The following SYTL3 variants were observed in gnomAD, a reference collection of about 807,000 sequenced individuals.
SYTL3 encodes the protein synaptotagmin-like protein 3.
Under a neutral mutation model 82.1 loss-of-function variants are expected in SYTL3, and 88 were observed. That is an observed-to-expected ratio of 1.07 (90% CI 0.90 to 1.28). SYTL3 has a LOEUF of 1.28. Among genes scored for constraint, SYTL3 ranks in the 50% most tolerant of loss-of-function variants. SYTL3 has a pLI of 0.00. For missense variants in SYTL3, 831 were observed against 757.6 expected (o/e 1.10, Z -1.14); for synonymous variants, 311 against 289.4 (o/e 1.07, Z -0.76).
chr6:158,666,535 G>T (rs1472277368), intron 5 of SYTL3, among the ~76,000 whole-genome samples: 3 of 152,210 alleles, frequency 2.0e-5, no homozygotes, highest in African/African-American at 7.2e-5. Flanking sequence ...TGCTGGGGGA[G>T]ACGGTGCACA....
At chr6:158,724,243 C>T (rs560504177) in intron 10 of SYTL3, among the ~76,000 whole-genome samples, 1 of 152,196 alleles carries the variant, frequency 6.6e-6, no homozygotes, top group Non-Finnish European at 1.5e-5. Context: ...CAGAATTTAG[C>T]ATAGTGCTGT....
At chr6:158,685,486 G>A (rs554122227) in intron 6 of SYTL3, among the ~76,000 whole-genome samples, 1 of 151,886 alleles carries the variant, frequency 6.6e-6, no homozygotes, top group East Asian at 2.0e-4. Context: ...GGGATTACAG[G>A]TATGAGGCAC....
At chr6:158,697,470 G>A (rs575622624) in intron 6 of SYTL3, among the ~76,000 whole-genome samples, 257 of 152,036 alleles carry the variant, frequency 1.7e-3, no homozygotes, top group Non-Finnish European at 3.3e-3. Context: ...AAAGATTCAC[G>A]ACATTGGATC....
chr6:158,660,600 C>A, intron 2 of SYTL3, among the ~76,000 whole-genome samples: 1 of 152,276 alleles, frequency 6.6e-6, no homozygotes, highest in Admixed American at 6.5e-5. Context: ...TTTCAGATTC[C>A]CCCACCAGAT....
intron 6 of SYTL3, among the ~76,000 whole-genome samples, chr6:158,689,273 T>G (rs1358641278): frequency 1.3e-5 from 2 of 152,130 alleles, no homozygotes; most frequent in Non-Finnish European, 2.9e-5. Flanking sequence ...TCCTTAAAAA[T>G]AAACCAACAT....
At chr6:158,700,093 TAAGAAATACAA>T (rs1264496568) in intron 6 of SYTL3, among the ~76,000 whole-genome samples, 6 of 151,856 alleles carry the variant, frequency 4.0e-5, no homozygotes, top group African/African-American at 1.5e-4. Flanking sequence ...CCTTCTCTAC[TAAGAAATACAA>T]AAGTAGCCAG....
chr6:158,738,773 T>A (rs1173816388), intron 11 of SYTL3, among the ~76,000 whole-genome samples: 1 of 152,204 alleles, frequency 6.6e-6, no homozygotes, highest in Non-Finnish European at 1.5e-5. Context: ...TTCTCCCACC[T>A]CAGCCTACCA....
chr6:158,662,363 G>T (rs1033514343), intron 3 of SYTL3, among the ~76,000 whole-genome samples: 1 of 152,208 alleles, frequency 6.6e-6, no homozygotes, highest in African/African-American at 2.4e-5. Flanking sequence ...ATAATTGATA[G>T]GCTGAGCTTG....
At chr6:158,723,608 A>G (rs1314331924) in intron 10 of SYTL3, among the ~76,000 whole-genome samples, 2 of 152,280 alleles carry the variant, frequency 1.3e-5, no homozygotes, top group East Asian at 3.9e-4. Context: ...AAACATTGCT[A>G]ATGTTGTGCA....
chr6:158,696,016 C>T (rs1348709623), intron 6 of SYTL3, among the ~76,000 whole-genome samples: 2 of 152,130 alleles, frequency 1.3e-5, no homozygotes, highest in Admixed American at 6.6e-5. Flanking sequence ...ATTAGAGTTC[C>T]TGCTTTAAAT....
At chr6:158,722,190 T>C (rs1424429361) in intron 10 of SYTL3, among the ~76,000 whole-genome samples, 1 of 152,140 alleles carries the variant, frequency 6.6e-6, no homozygotes, top group Non-Finnish European at 1.5e-5. Flanking sequence ...AGACAGGGTC[T>C]TACTTTGTCA....
chr6:158,648,217 C>T (rs999395525), upstream of SYTL3, among the ~76,000 whole-genome samples: 7 of 152,140 alleles, frequency 4.6e-5, no homozygotes, highest in African/African-American at 1.7e-4. Context: ...CGCTTGAACC[C>T]AGGAGGCAGA....
At chr6:158,751,865 C>T in intron 12 of SYTL3, 63 bp from the exon 13 acceptor site, 1 of 1,285,952 alleles carries the variant, frequency 7.8e-7, no homozygotes. Flanking sequence ...CTGCTGCCCC[C>T]AAACTCTTTA....
intron 9 of SYTL3, among the ~76,000 whole-genome samples, chr6:158,714,944 A>G (rs192400998): frequency 1.3e-5 from 2 of 152,280 alleles, no homozygotes; most frequent in Admixed American, 6.5e-5. Context: ...GTCTCATGCA[A>G]TGGTCTGTTC....
intron 8 of SYTL3, among the ~76,000 whole-genome samples, 191 bp downstream of exon 8, chr6:158,708,582 T>C (rs1782384627): frequency 6.6e-6 from 1 of 152,210 alleles, no homozygotes; most frequent in African/African-American, 2.4e-5. Context: ...CTCCTCATTC[T>C]GGTCGCGGGA....
intron 5 of SYTL3, among the ~76,000 whole-genome samples, chr6:158,681,973 G>T (rs956828130): frequency 1.3e-5 from 2 of 152,198 alleles, no homozygotes; most frequent in African/African-American, 4.8e-5. Flanking sequence ...GGCCTGCTCT[G>T]TCACCCAGGC....
intron 13 of SYTL3, among the ~76,000 whole-genome samples, chr6:158,753,501 CG>C (rs1182523016): frequency 2.7e-5 from 4 of 148,878 alleles, no homozygotes; most frequent in African/African-American, 9.8e-5. Flanking sequence ...GAGGCTGAGG[CG>C]GGTGGATCAT....
chr6:158,680,007 A>G (rs1317029285), intron 5 of SYTL3, among the ~76,000 whole-genome samples: 1 of 152,142 alleles, frequency 6.6e-6, no homozygotes, highest in Non-Finnish European at 1.5e-5. Flanking sequence ...GATGAGCTGA[A>G]ATGGGTCACT....
intron 2 of SYTL3, among the ~76,000 whole-genome samples, chr6:158,656,166 G>A (rs191864822): frequency 3.3e-5 from 5 of 152,258 alleles, no homozygotes; most frequent in East Asian, 1.9e-4. Context: ...CACATCTGCC[G>A]TCTCTCACCC....
Sources: allele counts gnomAD v4.1 joint callset (sites outside exome capture counted in the v4.1 genomes callset), GRCh38; gene constraint gnomAD v4.1.1; transcripts MANE v1.5; gene names NCBI Gene and HGNC (gene_info 2026-07-23, HGNC 2026-07-21).